The following CCDC171 variants were observed in gnomAD, a reference collection of about 807,000 sequenced individuals.
The protein encoded by CCDC171 is coiled-coil domain containing 171.
CCDC171 carries 177 observed loss-of-function variants against 168.2 expected under a neutral mutation model. The ratio of observed to expected loss-of-function variants is 1.05; its 90% CI spans 0.93 to 1.19. CCDC171 has a LOEUF of 1.19. CCDC171 is among the 50% of genes most tolerant of loss of function. The pLI, the probability that CCDC171 is intolerant of heterozygous loss-of-function variation, is 0.00. For missense variants in CCDC171, 1,991 were observed against 1,539.0 expected (o/e 1.29, Z -4.91); for synonymous variants, 687 against 540.8 (o/e 1.27, Z -3.75).
At chr9:15,710,339 ACT>A (rs2052567505) in intron 11 of CCDC171, among the ~76,000 whole-genome samples, 1 of 150,998 alleles carries the variant, frequency 6.6e-6, no homozygotes, top group South Asian at 2.1e-4. Flanking sequence ...ATGGAGTCTC[ACT>A]CTGTCACCCA....
At chr9:15,971,478 A>T (rs1209904894) in intron 25 of CCDC171, 131 bp from the exon 26 acceptor site, 8 of 599,158 alleles carry the variant, frequency 1.3e-5, no homozygotes, top group Non-Finnish European at 2.3e-5. Context: ...CATGTAGATT[A>T]TTGAAATAGT....
At chr9:15,776,990 AC>A (rs1245412278) in intron 18 of CCDC171, among the ~76,000 whole-genome samples, 4 of 152,238 alleles carry the variant, frequency 2.6e-5, no homozygotes, top group Non-Finnish European at 5.9e-5. Flanking sequence ...GCGTAAATAA[AC>A]CTATTAACCA....
At chr9:15,865,520 C>T (rs1249673419) in intron 23 of CCDC171, among the ~76,000 whole-genome samples, 1 of 151,932 alleles carries the variant, frequency 6.6e-6, no homozygotes, top group Non-Finnish European at 1.5e-5. Flanking sequence ...CCTCTTCCTT[C>T]TCCTCCTCAG....
At chr9:15,673,274 A>G (rs1399269154) in intron 9 of CCDC171, among the ~76,000 whole-genome samples, 1 of 152,220 alleles carries the variant, frequency 6.6e-6, no homozygotes, top group Non-Finnish European at 1.5e-5. Context: ...GGTTTTCTAA[A>G]TATACAATCA....
rs2039526169 is a variant in CCDC171 at position 15,564,039 on chromosome 9, A to G, written c.-50A>G. ...GGGCAATTTTAATCATCAAGAAAGA[A>G]ATATGTCATTAAGAAATAGCAGGGT... On this transcript the variant is annotated 5_prime_UTR_variant, in exon 2 of 26. Coordinates refer to ENST00000380701, the MANE Select transcript of CCDC171 (RefSeq NM_173550.4). The G allele has an allele frequency of 1.2e-5, 18 of 1,447,022 alleles. No homozygotes were observed. The highest frequency in any genetic ancestry group is 1.7e-5 in the Non-Finnish European group (18 of 1,036,616). The allele number at this position is 1,447,022 out of a possible 1,614,324, so 89.6% of individuals were successfully genotyped here. A position where few individuals can be genotyped will look rare whatever the true frequency, so the allele number is the denominator to read the frequency against.
intron 11 of CCDC171, among the ~76,000 whole-genome samples, chr9:15,703,235 A>G (rs947074960): frequency 7.9e-5 from 12 of 152,168 alleles, no homozygotes; most frequent in African/African-American, 2.9e-4. Flanking sequence ...GCTTTGGCTT[A>G]AGAGAATGTT....
In CCDC171 at chr9:15,748,429, C is replaced by T. The variant is rs1027489356; in HGVS notation, c.2671+2798C>T. On this transcript the variant is annotated intron_variant, in intron 18 of 25. Coordinates refer to ENST00000380701, the MANE Select transcript of CCDC171 (RefSeq NM_173550.4). ...ATATTATCGAGGAGAACTTCCCAAACATAGCAAGGCAGGCCAACATTCAAT... is the reference window on the plus strand; with the variant it reads ...ATATTATCGAGGAGAACTTCCCAAATATAGCAAGGCAGGCCAACATTCAAT... Among the ~76,000 whole-genome samples the T allele has an allele frequency of 3.0e-4, 45 of 152,154 alleles. 1 individual carries two copies. The highest frequency in any genetic ancestry group is 7.4e-5 in the Non-Finnish European group (5 of 68,024).
intron 25 of CCDC171, among the ~76,000 whole-genome samples, chr9:15,933,952 A>C (rs529954022): frequency 6.6e-6 from 1 of 152,170 alleles, no homozygotes; most frequent in East Asian, 1.9e-4. Flanking sequence ...AATTAAAAGC[A>C]TGGAAAGACT....
At chr9:15,895,953 A>T (rs1386815955) in intron 24 of CCDC171, among the ~76,000 whole-genome samples, 2 of 151,936 alleles carry the variant, frequency 1.3e-5, no homozygotes, top group Admixed American at 6.6e-5. Flanking sequence ...TTCTAAGATT[A>T]TTGTTGCCTT....
intron 24 of CCDC171, chr9:15,888,228 T>C (rs1819689960): frequency 6.6e-6 from 1 of 152,258 alleles, no homozygotes; most frequent in African/African-American, 2.4e-5. Flanking sequence ...AAACTTGATG[T>C]GATTTTCACA....
At chr9:15,988,550 C>G (rs1228512819) in intron 3 of CCDC171, among the ~76,000 whole-genome samples, 1 of 152,192 alleles carries the variant, frequency 6.6e-6, no homozygotes, top group African/African-American at 2.4e-5. Context: ...CCAGGTTCAT[C>G]TCACTGGGGC....
intron 4 of CCDC171, among the ~76,000 whole-genome samples, chr9:15,582,929 T>TAAAAAAAAA (rs556128674): frequency 7.6e-6 from 1 of 131,864 alleles, no homozygotes. Context: ...CTTAAAGTAT[T>TAAAAAAAAA]AAAAAAAAAA....
At chr9:15,966,832 A>G (rs1323131393) in intron 25 of CCDC171, among the ~76,000 whole-genome samples, 1 of 152,186 alleles carries the variant, frequency 6.6e-6, no homozygotes, top group Non-Finnish European at 1.5e-5. Context: ...GCTAAAAGTT[A>G]GAACTGGTAA....
chr9:15,587,540 A>G (rs2041656998), intron 4 of CCDC171: 11 of 432,552 alleles, frequency 2.5e-5, no homozygotes, highest in South Asian at 1.8e-4. Context: ...AGTCTCAGGT[A>G]TGTCTTTATC....
At chr9:15,852,109 A>T (rs1214375067) in intron 23 of CCDC171, among the ~76,000 whole-genome samples, 1 of 151,740 alleles carries the variant, frequency 6.6e-6, no homozygotes, top group African/African-American at 2.4e-5. Flanking sequence ...CTAGGAGTGG[A>T]ACTGCTGGAT....
chr9:15,698,905 A>G lies in CCDC171; in HGVS notation c.1318+3568A>G, dbSNP rs578208805. Among the ~76,000 whole-genome samples the G allele has an allele frequency of 3.3e-5, 5 of 152,246 alleles. No individual in the cohort carries two copies. The South Asian group carries it at 8.3e-4, about 25-fold the overall frequency. Reference sequence around the variant, plus strand: ...TGCTAGACACTTAGGTTGATTCTATATCTTGGTTATTGTGAATAATACTCT... The same window carrying G: ...TGCTAGACACTTAGGTTGATTCTATGTCTTGGTTATTGTGAATAATACTCT... On this transcript the variant is annotated intron_variant, in intron 11 of 25. Transcript: ENST00000380701.
intron 5 of CCDC171, 114 bp downstream of exon 5, chr9:15,591,670 T>TCCTC: frequency 1.5e-6 from 1 of 645,616 alleles, no homozygotes; most frequent in Non-Finnish European, 2.6e-6. Flanking sequence ...CCTCCTTCCT[T>TCCTC]CCTCCCTCCC....
At chr9:15,795,385 ATTT>A (rs1289823052) in intron 21 of CCDC171, among the ~76,000 whole-genome samples, 3 of 152,228 alleles carry the variant, frequency 2.0e-5, no homozygotes, top group African/African-American at 7.2e-5. Flanking sequence ...GGGGATTAAG[ATTT>A]TAACACATGA....
intron 3 of CCDC171, among the ~76,000 whole-genome samples, chr9:16,016,625 C>T (rs905212866): frequency 6.6e-6 from 1 of 152,124 alleles, no homozygotes; most frequent in Non-Finnish European, 1.5e-5. Flanking sequence ...TTCCTTGGCT[C>T]ACTCTCCTTC....
Sources: allele counts gnomAD v4.1 joint callset (sites outside exome capture counted in the v4.1 genomes callset), GRCh38; gene constraint gnomAD v4.1.1; transcripts MANE v1.5; gene names NCBI Gene and HGNC (gene_info 2026-07-23, HGNC 2026-07-21).